The following EYA3 variants were observed in gnomAD, a reference collection of about 807,000 sequenced individuals.
The protein encoded by EYA3 is protein phosphatase EYA3.
In EYA3, 39 loss-of-function variants were observed where a neutral mutation model predicts 80.0. That is an observed-to-expected ratio of 0.49 (90% CI 0.38 to 0.64). EYA3 has a LOEUF of 0.64. Ranked by LOEUF, EYA3 falls within the 30% of genes least tolerant of loss-of-function variation. The pLI is 0.00. For missense variants in EYA3, 523 were observed against 676.1 expected (o/e 0.77, Z 2.51); for synonymous variants, 206 against 232.8 (o/e 0.88, Z 1.05).
chr1:28,070,283 G>A (rs1177493721), intron 1 of EYA3, among the ~76,000 whole-genome samples: 4 of 152,014 alleles, frequency 2.6e-5, no homozygotes, highest in South Asian at 2.1e-4. Context: ...GTAAGGGGCC[G>A]GGTGCGGTGG....
chr1:28,073,746 C>T (rs946987728), intron 1 of EYA3, among the ~76,000 whole-genome samples: 5 of 152,074 alleles, frequency 3.3e-5, no homozygotes, highest in Admixed American at 2.0e-4. Context: ...CTCTGTATCT[C>T]GATGTGGTTT....
At chr1:28,048,263 G>A (rs1644101011) in intron 3 of EYA3, 120 bp downstream of exon 3, 2 of 598,594 alleles carry the variant, frequency 3.3e-6, no homozygotes, top group Non-Finnish European at 5.7e-6. Context: ...ATTTCAAAAT[G>A]TAACAGCTGA....
intron 2 of EYA3, among the ~76,000 whole-genome samples, chr1:28,049,826 C>G (rs182203844): frequency 3.3e-5 from 5 of 152,160 alleles, no homozygotes; most frequent in Admixed American, 1.3e-4. Context: ...CAAAATATAG[C>G]CTTTTTTTAT....
At chr1:28,025,129 T>C (rs1642696977) in intron 7 of EYA3, among the ~76,000 whole-genome samples, 1 of 152,156 alleles carries the variant, frequency 6.6e-6, no homozygotes, top group African/African-American at 2.4e-5. Flanking sequence ...GAGAGTAATA[T>C]TGATAGTGGT....
chr1:28,056,930 GT>G (rs1388022145), intron 2 of EYA3, among the ~76,000 whole-genome samples: 3 of 152,158 alleles, frequency 2.0e-5, no homozygotes, highest in African/African-American at 7.2e-5. Flanking sequence ...TTCCAGTAGT[GT>G]AAATCCTAAA....
intron 14 of EYA3, chr1:27,990,582 C>T (rs1639984802): frequency 7.2e-6 from 1 of 138,946 alleles, no homozygotes; most frequent in African/African-American, 2.7e-5. Flanking sequence ...GAGATGGAGT[C>T]TTGCTCTGTC....
chr1:28,069,113 GTTAA>G (rs1385858485), intron 1 of EYA3, among the ~76,000 whole-genome samples: 3 of 151,678 alleles, frequency 2.0e-5, no homozygotes, highest in Non-Finnish European at 4.4e-5. Flanking sequence ...CTGACTTACT[GTTAA>G]TTAAACAGGT....
At chr1:27,989,065 C>T (rs1414934538) in intron 15 of EYA3, among the ~76,000 whole-genome samples, 1 of 152,248 alleles carries the variant, frequency 6.6e-6, no homozygotes, top group Non-Finnish European at 1.5e-5. Context: ...TTTGTGTTCG[C>T]TTTGCTCTTC....
At chr1:28,047,995 C>A (rs1195884795) in intron 3 of EYA3, among the ~76,000 whole-genome samples, 1 of 152,044 alleles carries the variant, frequency 6.6e-6, no homozygotes, top group Non-Finnish European at 1.5e-5. Flanking sequence ...ATTTCATAAC[C>A]ATTTGGTAAT....
chr1:27,994,654 T>C (rs528945295), intron 13 of EYA3, among the ~76,000 whole-genome samples: 75 of 152,286 alleles, frequency 4.9e-4, no homozygotes, highest in African/African-American at 1.8e-3. Context: ...GCCACTGCAC[T>C]TCAGCTTGCG....
chr1:28,058,111 G>T lies in EYA3; in HGVS notation c.-68-17C>A. 1 of 1,155,234 alleles carries T rather than the reference G, an allele frequency of 8.7e-7. No homozygotes were observed. Among genetic ancestry groups the T allele is most frequent in the Non-Finnish European group, 1.2e-6 (1 of 812,336 alleles). The allele number at this position is 1,155,234 out of a possible 1,614,324, so 71.6% of individuals were successfully genotyped here. A position where few individuals can be genotyped will look rare whatever the true frequency, so the allele number is the denominator to read the frequency against. Reference sequence around the variant, plus strand: ...TTTCACAATCTGTTTTTAAAAAGGAGGATTCAAAGCTTTATACACTCTTAA... The same window carrying T: ...TTTCACAATCTGTTTTTAAAAAGGATGATTCAAAGCTTTATACACTCTTAA... On this transcript the variant is annotated splice_polypyrimidine_tract_variant and intron_variant, in intron 1 of 17. Coordinates refer to ENST00000373871, the MANE Select transcript of EYA3 (RefSeq NM_001990.4).
chr1:28,035,527 A>G lies in EYA3; in HGVS notation c.361+17T>C. On this transcript the variant is annotated intron_variant, in intron 6 of 17. Transcript: ENST00000373871. ...AAATCAACATTCTTAGAAATTGTTT[A>G]CAATACAGTGCCTTACCAAAAGGAG... 1 of 1,604,080 alleles carries G rather than the reference A, an allele frequency of 6.2e-7. No individual in the cohort carries two copies. The highest frequency in any genetic ancestry group is 8.5e-7 in the Non-Finnish European group (1 of 1,177,076).
At chr1:27,984,134 T>C (rs141365059) in intron 16 of EYA3, among the ~76,000 whole-genome samples, 1 of 152,166 alleles carries the variant, frequency 6.6e-6, no homozygotes, top group Admixed American at 6.5e-5. Flanking sequence ...ACTCTTGGGC[T>C]CAAGTGATCC....
At chr1:27,997,820 C>G (rs567343934) in intron 12 of EYA3, among the ~76,000 whole-genome samples, 51 of 152,284 alleles carry the variant, frequency 3.3e-4, no homozygotes, top group African/African-American at 1.1e-3. Context: ...ATAGACAAAA[C>G]AGACGCTGGT....
At chr1:28,036,784 A>G (rs577835640) in intron 5 of EYA3, among the ~76,000 whole-genome samples, 4 of 152,362 alleles carry the variant, frequency 2.6e-5, no homozygotes, top group Admixed American at 6.5e-5. Flanking sequence ...ATATAAGTAA[A>G]AAAGAAAATG....
intron 9 of EYA3, among the ~76,000 whole-genome samples, chr1:28,012,290 T>A (rs2148791933): frequency 6.6e-6 from 1 of 152,372 alleles, no homozygotes; most frequent in African/African-American, 2.4e-5. Context: ...ATAACAAAGA[T>A]ATTTAGAAAA....
intron 13 of EYA3, 83 bp downstream of exon 13, chr1:27,997,237 A>C: frequency 1.6e-6 from 2 of 1,245,608 alleles, no homozygotes; most frequent in Non-Finnish European, 2.4e-6. Context: ...TATTCTATTT[A>C]TCTTTGTTTT....
At chr1:27,978,753 C>T (rs1029547163) in intron 16 of EYA3, among the ~76,000 whole-genome samples, 4 of 152,198 alleles carry the variant, frequency 2.6e-5, no homozygotes, top group African/African-American at 9.6e-5. Context: ...CACCTGAGGT[C>T]GGGAATTTGA....
At chr1:28,043,985 T>C (rs1239506770) in intron 3 of EYA3, among the ~76,000 whole-genome samples, 2 of 152,222 alleles carry the variant, frequency 1.3e-5, no homozygotes, top group Non-Finnish European at 2.9e-5. Flanking sequence ...ATTTGTTATA[T>C]AGCCAGGACT....
Sources: gnomAD v4.1 joint callset for allele counts (sites outside exome capture counted in the v4.1 genomes callset) on GRCh38, gnomAD v4.1.1 for gene constraint, MANE v1.5 for transcripts, NCBI Gene and HGNC (gene_info 2026-07-23, HGNC 2026-07-21) for gene names.